The following NTNG2 variants were observed in gnomAD, a reference collection of about 807,000 sequenced individuals.
NTNG2 encodes netrin-G2.
NTNG2 carries 15 observed loss-of-function variants against 47.6 expected under a neutral mutation model. The observed-to-expected ratio is 0.32, with a 90% CI of 0.21 to 0.49. NTNG2 has a LOEUF of 0.49. Ranked by LOEUF, NTNG2 falls within the 20% of genes least tolerant of loss-of-function variation. The pLI is 0.99. For synonymous variants in NTNG2, 307 were observed against 324.6 expected (o/e 0.95, Z 0.58); for missense variants, 578 against 764.6 (o/e 0.76, Z 2.88).
chr9:132,198,510 G>A lies in NTNG2; in HGVS notation c.758G>A (p.Arg253His), dbSNP rs552481499. ...GAGTTCTTCACCCTCACCGACCTGC[G>A]CATGCGGCTGCTGCGCCCGGCGCTG... ...LKEFFTLTDL[R>H]MRLLRPALGG... is the part of the protein sequence containing the mutation. Residue 253 changes from arginine to histidine, a missense_variant, in exon 3 of 8, where the codon CGC (arginine) becomes CAC (histidine). Coordinates refer to ENST00000393229, the MANE Select transcript of NTNG2 (RefSeq NM_032536.4). 1.2e-6 allele frequency: 2 copies of A among 1,612,982 alleles called. No individual in the cohort carries two copies. Among genetic ancestry groups the A allele is most frequent in the African/African-American group, 1.3e-5 (1 of 74,936 alleles).
At chr9:132,181,170 ACCT>A (rs1233584964) in intron 2 of NTNG2, among the ~76,000 whole-genome samples, 1 of 151,768 alleles carries the variant, frequency 6.6e-6, no homozygotes, top group Non-Finnish European at 1.5e-5. Context: ...TGCAGCCTCG[ACCT>A]CCTGGGCTCC....
chr9:132,201,728 C>T (rs1230446877), intron 3 of NTNG2, among the ~76,000 whole-genome samples: 1 of 152,232 alleles, frequency 6.6e-6, no homozygotes, highest in Non-Finnish European at 1.5e-5. Context: ...GGCTCATTTG[C>T]TATTGAGCGC....
At chr9:132,225,477 C>T (rs1840687150) in intron 3 of NTNG2, among the ~76,000 whole-genome samples, 1 of 151,944 alleles carries the variant, frequency 6.6e-6, no homozygotes, top group African/African-American at 2.4e-5. Flanking sequence ...ACTATGTTAC[C>T]CAGTCTGGCC....
chr9:132,179,659 G>A (rs776992190), intron 2 of NTNG2, among the ~76,000 whole-genome samples: 7 of 152,216 alleles, frequency 4.6e-5, no homozygotes, highest in Non-Finnish European at 1.0e-4. Context: ...AGAGAAAGAC[G>A]CTGTGCAAAG....
At position 132,208,131 on chromosome 9, in the gene NTNG2, C is replaced by T. The variant is rs1048050994; in HGVS notation, c.857+9522C>T. Among the ~76,000 whole-genome samples the T allele has an allele frequency of 1.4e-4, 21 of 151,876 alleles. No individual in the cohort carries two copies. Among genetic ancestry groups the T allele is most frequent in the Admixed American group, 1.4e-3 (21 of 15,256 alleles). ...AACCCAGGGCAATATGGGAGTGGAG[C>T]TGGGAACCAACCTGAGACCTGGACC... On this transcript the variant is annotated intron_variant, in intron 3 of 7. Transcript: ENST00000393229. The surrounding 1 kb of genome is among the most constrained non-coding windows in gnomAD (Gnocchi z 4.0).
intron 3 of NTNG2, among the ~76,000 whole-genome samples, chr9:132,206,910 T>C (rs1186072538): frequency 1.3e-5 from 2 of 152,218 alleles, no homozygotes; most frequent in Non-Finnish European, 2.9e-5. Context: ...TGGGGTCCAC[T>C]GCCAAGGCAG....
At position 132,236,805 on chromosome 9, in the gene NTNG2, C is replaced by A. The variant is rs962149040; in HGVS notation, c.1055-2299C>A. Among the ~76,000 whole-genome samples, 1 of 152,164 alleles carries A rather than the reference C, an allele frequency of 6.6e-6. No homozygotes were observed. Among genetic ancestry groups the A allele is most frequent in the Non-Finnish European group, 1.5e-5 (1 of 68,018 alleles). On this transcript the variant is annotated intron_variant, in intron 5 of 7. Coordinates refer to ENST00000393229, the MANE Select transcript of NTNG2 (RefSeq NM_032536.4). This position sits in a 1 kb window ranked among gnomAD's most constrained non-coding sequence, Gnocchi z 4.3. ...CACAGATAGGGCGTTGGGGTCCCAG[C>A]GGGATTCTGGGCAGTGGAAGGCAGG...
At chr9:132,184,191 G>T (rs373506653) in intron 2 of NTNG2, among the ~76,000 whole-genome samples, 2 of 152,326 alleles carry the variant, frequency 1.3e-5, no homozygotes, top group Admixed American at 6.5e-5. Context: ...CGGCCCCACC[G>T]CCTCTTAACT....
intron 2 of NTNG2, among the ~76,000 whole-genome samples, chr9:132,168,820 C>T (rs1162043271): frequency 2.0e-5 from 3 of 152,204 alleles, no homozygotes; most frequent in Non-Finnish European, 2.9e-5. Context: ...TTAATCACTG[C>T]CTTAACGTGC....
intron 3 of NTNG2, among the ~76,000 whole-genome samples, chr9:132,223,601 C>T (rs1171196546): frequency 2.0e-5 from 3 of 152,126 alleles, no homozygotes; most frequent in South Asian, 4.1e-4. Context: ...CAGGGGGAAA[C>T]GGAAGTTGCA....
intron 3 of NTNG2, among the ~76,000 whole-genome samples, chr9:132,217,845 G>C (rs928327097): frequency 6.6e-6 from 1 of 152,166 alleles, no homozygotes; most frequent in African/African-American, 2.4e-5. Context: ...GTGGGGCCCA[G>C]GGGATGGGGT....
intron 2 of NTNG2, among the ~76,000 whole-genome samples, chr9:132,172,087 C>T (rs7036049): frequency 0.015 from 2,218 of 152,314 alleles, 57 homozygotes; most frequent in African/African-American, 0.05. Context: ...AGGAGGAGGG[C>T]GTGCCCCTCC....
At chr9:132,199,460 GT>G (rs1213718478) in intron 3 of NTNG2, among the ~76,000 whole-genome samples, 1 of 152,244 alleles carries the variant, frequency 6.6e-6, no homozygotes, top group Non-Finnish European at 1.5e-5. Context: ...TCCTCTCCCA[GT>G]GGGGTTGTGC....
rs1017679972 is a variant in NTNG2, at chr9:132,210,397, G to A, written c.857+11788G>A. The stretch of plus-strand genomic sequence containing the variant: ...CTGAACACACAGACCATGTTCCTCC[G>A]TCACTCGCCTGGGGCTGAGTGGAAT... On this transcript the variant is annotated intron_variant, in intron 3 of 7. Transcript: ENST00000393229. Among the ~76,000 whole-genome samples the A allele has an allele frequency of 6.6e-5, 10 of 152,162 alleles. No homozygotes were observed. In the East Asian group the frequency reaches 7.7e-4, roughly 12 times the overall value.
chr9:132,178,486 A>G (rs2131342559), intron 2 of NTNG2, among the ~76,000 whole-genome samples: 1 of 152,284 alleles, frequency 6.6e-6, no homozygotes, highest in Non-Finnish European at 1.5e-5. Flanking sequence ...GTCTAAGGCC[A>G]GAAAAACCCC....
intron 2 of NTNG2, among the ~76,000 whole-genome samples, chr9:132,181,655 C>T (rs970285148): frequency 1.3e-5 from 2 of 152,218 alleles, no homozygotes; most frequent in African/African-American, 4.8e-5. Context: ...CTCCTCAGAG[C>T]AGAAACATCG....
At position 132,166,507 on chromosome 9, in the gene NTNG2, C is replaced by T. The variant is rs1835511151; in HGVS notation, c.-325C>T. The T allele has an allele frequency of 5.4e-6, 2 of 369,526 alleles. No individual in the cohort carries two copies. The highest frequency in any genetic ancestry group is 2.9e-5 in the South Asian group (1 of 34,830). The allele number at this position is 369,526 out of a possible 1,614,324, so 22.9% of individuals were successfully genotyped here. A position where few individuals can be genotyped will look rare whatever the true frequency, so the allele number is the denominator to read the frequency against. Reference sequence around the variant, plus strand: ...CTTATCCCATTTCCATCCACTGTCACAATTTGAGAATCTGCCTGATTTGAT... The same window carrying T: ...CTTATCCCATTTCCATCCACTGTCATAATTTGAGAATCTGCCTGATTTGAT... On this transcript the variant is annotated 5_prime_UTR_variant, in exon 2 of 8. Transcript: ENST00000393229.
In NTNG2 at chr9:132,167,128, T is replaced by G. The variant is rs1310812578; in HGVS notation, c.213+84T>G. The stretch of plus-strand genomic sequence containing the variant: ...GATCCTTGGGGTGGACGAGCAGAGC[T>G]GGAGGACTGAGATGCAAGGCTGACT... On this transcript the variant is annotated intron_variant, in intron 2 of 7. Coordinates refer to ENST00000393229, the MANE Select transcript of NTNG2 (RefSeq NM_032536.4). 8.3e-6 allele frequency: 12 copies of G among 1,448,954 alleles called. No homozygotes were observed. In the East Asian group the frequency reaches 2.8e-4, roughly 34 times the overall value. The allele number at this position is 1,448,954 out of a possible 1,614,324, so 89.8% of individuals were successfully genotyped here.
intron 7 of NTNG2, chr9:132,241,325 G>C: frequency 2.0e-6 from 1 of 503,706 alleles, no homozygotes. Context: ...CCGACCCGGG[G>C]GCGGTGGACG....
Sources: gnomAD v4.1 joint callset for allele counts (sites outside exome capture counted in the v4.1 genomes callset) on GRCh38, gnomAD v4.1.1 for gene constraint, Gnocchi (gnomAD v3.1) non-coding constraint, MANE v1.5 for transcripts, NCBI Gene and HGNC (gene_info 2026-07-23, HGNC 2026-07-21) for gene names.